Variants in SAXO5 observed in about 807,000 individuals in gnomAD.
The protein encoded by SAXO5 is stabilizer of axonemal microtubules 5.
At chr19:7,508,258 C>T in the SAXO5 span, 3 of 1,614,092 alleles carry the variant, frequency 1.9e-6, no homozygotes, top group Non-Finnish European at 2.5e-6. Flanking sequence ...TTCTTCTCAA[C>T]ACAATACAAG....
chr19:7,506,103 G>T, the SAXO5 span: 3 of 1,613,442 alleles, frequency 1.9e-6, no homozygotes, highest in Non-Finnish European at 2.5e-6. Context: ...TCAGAGTGGA[G>T]ACAGGTGCAG....
chr19:7,506,847 T>C, the SAXO5 span: 1 of 383,848 alleles, frequency 2.6e-6, no homozygotes, highest in Non-Finnish European at 4.9e-6. Flanking sequence ...TCCCAGCTCC[T>C]CCCTCTTTCC....
chr19:7,500,919 C>A, the SAXO5 span: 4 of 1,583,700 alleles, frequency 2.5e-6, no homozygotes, highest in East Asian at 4.7e-5. Flanking sequence ...GCCTGACCTG[C>A]GGCTGCACGA....
At chr19:7,499,819 TAGAA>T in the SAXO5 span, 1 of 150,260 alleles carries the variant, frequency 6.7e-6, no homozygotes, top group Admixed American at 6.6e-5. Flanking sequence ...AAAAAAAAAA[TAGAA>T]AGAATTAGCC....
At chr19:7,507,110 C>A in the SAXO5 span, 1 of 1,614,068 alleles carries the variant, frequency 6.2e-7, no homozygotes, top group Non-Finnish European at 8.5e-7. Flanking sequence ...AGAACACCTC[C>A]GGCCCCGGTG....
the SAXO5 span, among the ~76,000 whole-genome samples, chr19:7,502,462 G>A: frequency 5.9e-5 from 9 of 152,240 alleles, no homozygotes; most frequent in South Asian, 4.2e-4. Flanking sequence ...AGCAGACAGC[G>A]GGTAGAGGCC....
chr19:7,497,988 T>C, the SAXO5 span, among the ~76,000 whole-genome samples: 1 of 151,546 alleles, frequency 6.6e-6, no homozygotes, highest in African/African-American at 2.4e-5. Flanking sequence ...CCGTCTCTAC[T>C]AAAAATACAA....
the SAXO5 span, among the ~76,000 whole-genome samples, chr19:7,504,705 CAA>C: frequency 0.03 from 4,311 of 143,044 alleles, 221 homozygotes; most frequent in African/African-American, 0.1. Flanking sequence ...GACTCCATCT[CAA>C]AAAAAAAAAA....
chr19:7,501,014 G>C, the SAXO5 span: 25 of 1,527,446 alleles, frequency 1.6e-5, no homozygotes, highest in Non-Finnish European at 2.2e-5. Context: ...CGCCGCCCGC[G>C]CTGCTTTTCC....
At chr19:7,505,963 G>T in the SAXO5 span, 1 of 1,576,194 alleles carries the variant, frequency 6.3e-7, no homozygotes, top group Non-Finnish European at 8.6e-7. Flanking sequence ...TGGTCCTACA[G>T]CCGCCACCCC....
the SAXO5 span, among the ~76,000 whole-genome samples, chr19:7,497,879 G>A: frequency 1.3e-5 from 2 of 152,060 alleles, no homozygotes; most frequent in Non-Finnish European, 2.9e-5. Flanking sequence ...AGCCAGGCGC[G>A]GTGGCTCATG....
the SAXO5 span, chr19:7,504,093 T>TCTCTCTCC: frequency 6.7e-7 from 1 of 1,498,656 alleles, no homozygotes; most frequent in African/African-American, 1.4e-5. Flanking sequence ...TCTCTCTCTC[T>TCTCTCTCC]CCCCCCATCC....
chr19:7,507,585 A>C, the SAXO5 span, among the ~76,000 whole-genome samples: 1 of 136,234 alleles, frequency 7.3e-6, no homozygotes, highest in Admixed American at 7.4e-5. Flanking sequence ...GCCTCAAAAA[A>C]AGGAAAAAAA....
At chr19:7,499,424 G>A in the SAXO5 span, among the ~76,000 whole-genome samples, 17 of 152,108 alleles carry the variant, frequency 1.1e-4, no homozygotes, top group Admixed American at 7.2e-4. Flanking sequence ...TGGCAGAAAC[G>A]GAGATGGCCA....
the SAXO5 span, among the ~76,000 whole-genome samples, chr19:7,502,015 G>T: frequency 6.6e-6 from 1 of 152,068 alleles, no homozygotes; most frequent in East Asian, 1.9e-4. Context: ...CTAGGCAGGA[G>T]GATGTCTTGA....
the SAXO5 span, among the ~76,000 whole-genome samples, chr19:7,503,703 T>C: frequency 6.6e-6 from 1 of 152,178 alleles, no homozygotes; most frequent in African/African-American, 2.4e-5. Flanking sequence ...CAGGCTGGTC[T>C]TGAACTCCTG....
the SAXO5 span, chr19:7,504,174 C>G: frequency 5.0e-6 from 8 of 1,614,000 alleles, no homozygotes; most frequent in Non-Finnish European, 6.8e-6. Context: ...GACTTCCTAC[C>G]AAAGACAGTT....
the SAXO5 span, chr19:7,504,561 C>T: frequency 1.6e-6 from 1 of 636,458 alleles, no homozygotes; most frequent in Non-Finnish European, 2.7e-6. Flanking sequence ...CAACAATTAG[C>T]CGGGTGTGGT....
chr19:7,506,207 C>CT, the SAXO5 span: 3 of 1,452,682 alleles, frequency 2.1e-6, no homozygotes, highest in Non-Finnish European at 1.8e-6. Context: ...AGCCCCGCCC[C>CT]GGGAAGCCCC....
Sources: gnomAD v4.1 joint callset for allele counts (sites outside exome capture counted in the v4.1 genomes callset) on GRCh38, gnomAD v4.1.1 for gene constraint, MANE v1.5 for transcripts, NCBI Gene and HGNC (gene_info 2026-07-23, HGNC 2026-07-21) for gene names.